Variants in MTSS1 observed in about 807,000 individuals in gnomAD.
MTSS1 encodes MTSS I-BAR domain containing 1, also known as protein MTSS 1.
A neutral mutation model predicts 79.0 loss-of-function variants in MTSS1; 18 were observed. That is an observed-to-expected ratio of 0.23 (90% CI 0.16 to 0.34). The LOEUF (loss-of-function observed/expected upper bound fraction) is 0.34. Among genes scored for constraint, MTSS1 ranks in the 10% least tolerant of loss-of-function variants. MTSS1 has a pLI of 1.00. For missense variants in MTSS1, 815 were observed against 986.2 expected (o/e 0.83, Z 2.33); for synonymous variants, 341 against 368.6 (o/e 0.93, Z 0.86).
intron 3 of MTSS1, among the ~76,000 whole-genome samples, chr8:124,635,587 T>C (rs1816828290): frequency 6.6e-6 from 1 of 152,182 alleles, no homozygotes; most frequent in Non-Finnish European, 1.5e-5. Context: ...TCACTCTTGG[T>C]CTATTCTAAT....
chr8:124,728,226 A>C lies in MTSS1; in HGVS notation c.-271T>G. Reference sequence around the variant, plus strand: ...TAAAAATGCCGGGAGAAGACTGACAATCAGGCCACCACTGGTGCCCACTAC... The same window carrying C: ...TAAAAATGCCGGGAGAAGACTGACACTCAGGCCACCACTGGTGCCCACTAC... On this transcript the variant is annotated 5_prime_UTR_variant, in exon 1 of 14. Coordinates refer to ENST00000518547, the MANE Select transcript of MTSS1 (RefSeq NM_014751.6). The surrounding 1 kb of genome is among the most constrained non-coding windows in gnomAD (Gnocchi z 6.1). 2.8e-5 allele frequency: 9 copies of C among 317,286 alleles called. No individual in the cohort carries two copies. Among genetic ancestry groups the C allele is most frequent in the Admixed American group, 5.1e-5 (1 of 19,674 alleles). 19.7% of individuals were successfully genotyped at this position (317,286 alleles called of 1,614,324 possible).
intron 3 of MTSS1, among the ~76,000 whole-genome samples, chr8:124,659,329 A>G (rs1821570229): frequency 6.6e-6 from 1 of 152,226 alleles, no homozygotes; most frequent in Admixed American, 6.5e-5. Flanking sequence ...CTGAGAATTT[A>G]TAGTTTATTA....
intron 1 of MTSS1, among the ~76,000 whole-genome samples, chr8:124,710,864 G>A (rs1021169962): frequency 2.0e-5 from 3 of 152,178 alleles, no homozygotes; most frequent in Admixed American, 6.5e-5. Context: ...CCACAGAGCT[G>A]GGGAGGACTT....
chr8:124,688,245 G>A (rs1408291860), intron 3 of MTSS1, among the ~76,000 whole-genome samples: 1 of 151,924 alleles, frequency 6.6e-6, no homozygotes, highest in Non-Finnish European at 1.5e-5. Context: ...TGTGTATGTT[G>A]TGCGTGTGTG....
chr8:124,580,998 T>A (rs1829943417), intron 6 of MTSS1, among the ~76,000 whole-genome samples: 1 of 152,208 alleles, frequency 6.6e-6, no homozygotes, highest in South Asian at 2.1e-4. Context: ...AGTTTAAAAT[T>A]GTAGTATAAC....
chr8:124,556,186 CCAGG>C (rs1823711538), intron 12 of MTSS1, 42 bp downstream of exon 12: 1 of 1,613,140 alleles, frequency 6.2e-7, no homozygotes, highest in East Asian at 2.2e-5. Context: ...TGATCCCCAG[CCAGG>C]CTGAGGTGGC....
chr8:124,637,396 T>A (rs894870266), intron 3 of MTSS1, among the ~76,000 whole-genome samples: 2 of 152,076 alleles, frequency 1.3e-5, no homozygotes, highest in African/African-American at 4.8e-5. Flanking sequence ...GAGTGAGGAA[T>A]ATACAGGAGA....
At chr8:124,642,560 C>T (rs186296245) in intron 3 of MTSS1, among the ~76,000 whole-genome samples, 279 of 152,264 alleles carry the variant, frequency 1.8e-3, no homozygotes, top group African/African-American at 6.3e-3. Flanking sequence ...GTTGTTAAGA[C>T]AGCCCCATGT....
chr8:124,656,779 C>A (rs1173991612), intron 3 of MTSS1, among the ~76,000 whole-genome samples: 3 of 103,506 alleles, frequency 2.9e-5, no homozygotes, highest in Admixed American at 1.1e-4. Flanking sequence ...GAGACTCCAT[C>A]TCAAAAAAAA....
At chr8:124,576,425 A>G (rs1399705008) in intron 6 of MTSS1, among the ~76,000 whole-genome samples, 1 of 152,196 alleles carries the variant, frequency 6.6e-6, no homozygotes, top group Non-Finnish European at 1.5e-5. Context: ...TAGGTGTGTC[A>G]TAACTGAATA....
intron 3 of MTSS1, among the ~76,000 whole-genome samples, chr8:124,601,530 T>C (rs375224373): frequency 6.6e-6 from 1 of 152,202 alleles, no homozygotes; most frequent in Non-Finnish European, 1.5e-5. Context: ...TGGCAGGTTG[T>C]AATATTTTAG....
chr8:124,616,147 T>G (rs1443202318), intron 3 of MTSS1, among the ~76,000 whole-genome samples: 1 of 152,156 alleles, frequency 6.6e-6, no homozygotes, highest in Non-Finnish European at 1.5e-5. Context: ...ACATTCAACA[T>G]GAACATGCAA....
Position 124,553,361 on chromosome 8 carries a change from A to G in MTSS1, c.1899T>C (p.Pro633=). 1 of 1,611,908 alleles carries G rather than the reference A, an allele frequency of 6.2e-7. No individual in the cohort carries two copies. Among genetic ancestry groups the G allele is most frequent in the Non-Finnish European group, 8.5e-7 (1 of 1,178,304 alleles). ...CCCCCCGCTCTTCTGGCCCATCTGG[A>G]GGGGCTGGCAACACCCCTGGGAGGT... ...VPDLPGVLPA[P]PDGPEERGEH... Residue 633 remains proline, a synonymous_variant, in exon 14 of 14, where the codon CCT becomes CCC. Transcript: ENST00000518547. This position sits in a 1 kb window ranked among gnomAD's most constrained non-coding sequence, Gnocchi z 6.0.
intron 3 of MTSS1, among the ~76,000 whole-genome samples, chr8:124,669,548 T>C (rs1017486583): frequency 2.6e-5 from 4 of 152,174 alleles, no homozygotes; most frequent in Non-Finnish European, 5.9e-5. Flanking sequence ...ATATTGAAGG[T>C]AGTTTTGTTT....
intron 1 of MTSS1, among the ~76,000 whole-genome samples, chr8:124,707,445 C>T (rs1424044406): frequency 1.3e-5 from 2 of 151,450 alleles, no homozygotes; most frequent in East Asian, 1.9e-4. Context: ...AGGCCAGGCA[C>T]GGTAGCTCAC....
At chr8:124,620,255 G>A (rs1016652469) in intron 3 of MTSS1, among the ~76,000 whole-genome samples, 3 of 152,102 alleles carry the variant, frequency 2.0e-5, no homozygotes, top group Non-Finnish European at 4.4e-5. Context: ...CAGCACAACT[G>A]TTTTTCTATC....
chr8:124,631,831 G>T (rs1167023133), intron 3 of MTSS1, among the ~76,000 whole-genome samples: 2 of 152,148 alleles, frequency 1.3e-5, no homozygotes, highest in African/African-American at 4.8e-5. Context: ...AAAGGCAGAG[G>T]CAGCAAAGCT....
chr8:124,572,729 CTTTCT>C (rs1188514209), intron 6 of MTSS1, among the ~76,000 whole-genome samples: 3 of 137,424 alleles, frequency 2.2e-5, no homozygotes, highest in African/African-American at 5.8e-5. Flanking sequence ...GGGCTACTTT[CTTTCT>C]TTTCTTTTCT....
intron 3 of MTSS1, among the ~76,000 whole-genome samples, chr8:124,662,973 G>A (rs979172025): frequency 1.3e-5 from 2 of 152,078 alleles, no homozygotes; most frequent in Admixed American, 6.5e-5. Context: ...GTTTTCTCCA[G>A]GTAACCAAGG....
Sources: gnomAD v4.1 joint callset for allele counts (sites outside exome capture counted in the v4.1 genomes callset) on GRCh38, gnomAD v4.1.1 for gene constraint, Gnocchi (gnomAD v3.1) non-coding constraint, MANE v1.5 for transcripts, NCBI Gene and HGNC (gene_info 2026-07-23, HGNC 2026-07-21) for gene names.